CEP350: variants seen among roughly 807,000 people sequenced by gnomAD.
CEP350 encodes centrosomal protein 350.
In CEP350, 126 loss-of-function variants were observed where a neutral mutation model predicts 331.8. The observed-to-expected ratio is 0.38, with a 90% CI of 0.33 to 0.44. CEP350 has a LOEUF of 0.44. Among genes scored for constraint, CEP350 ranks in the 20% least tolerant of loss-of-function variants. CEP350 has a pLI of 1.00. For synonymous variants in CEP350, 1,200 were observed against 1,259.5 expected (o/e 0.95, Z 1.00); for missense variants, 3,406 against 3,634.6 (o/e 0.94, Z 1.62).
In CEP350 at chr1:179,955,087, C is replaced by A. The variant is rs558683389; in HGVS notation, c.-69C>A. Reference sequence around the variant, plus strand: ...GGTCGGGGCGGCGTCACTGCACCCTCCGCCAGGCTCCGCGGGATGCACCGT... The same window carrying A: ...GGTCGGGGCGGCGTCACTGCACCCTACGCCAGGCTCCGCGGGATGCACCGT... On this transcript the variant is annotated 5_prime_UTR_variant, in exon 1 of 38. Transcript: ENST00000367607. 2 of 1,461,248 alleles carry A rather than the reference C, an allele frequency of 1.4e-6. No individual in the cohort carries two copies. Among genetic ancestry groups the A allele is most frequent in the Non-Finnish European group, 1.8e-6 (2 of 1,109,446 alleles). The allele number at this position is 1,461,248 out of a possible 1,614,324, so 90.5% of individuals were successfully genotyped here. A position where few individuals can be genotyped will look rare whatever the true frequency, so the allele number is the denominator to read the frequency against.
At chr1:180,062,442 G>A (rs920300448) in intron 26 of CEP350, 76 bp downstream of exon 26, 51 of 1,429,972 alleles carry the variant, frequency 3.6e-5, no homozygotes, top group Non-Finnish European at 4.6e-5. Flanking sequence ...CATGTTCTAA[G>A]ATAATATTCA....
At chr1:180,054,774 TG>T (rs1490507160) in intron 25 of CEP350, among the ~76,000 whole-genome samples, 2 of 152,228 alleles carry the variant, frequency 1.3e-5, no homozygotes, top group Non-Finnish European at 2.9e-5. Context: ...AATACTCTTT[TG>T]AAATACAAAT....
At chr1:180,003,309 G>A (rs771714827) in intron 7 of CEP350, 22 bp downstream of exon 7, 2 of 1,453,678 alleles carry the variant, frequency 1.4e-6, no homozygotes, top group Non-Finnish European at 1.9e-6. Context: ...GCTTTCTTAT[G>A]TTTTGAGTAT....
intron 25 of CEP350, among the ~76,000 whole-genome samples, chr1:180,057,427 A>C (rs1026910927): frequency 6.6e-6 from 1 of 151,212 alleles, no homozygotes; most frequent in Non-Finnish European, 1.5e-5. Context: ...CTTATTATCC[A>C]TAGTTATTTT....
chr1:180,040,683 A>G (rs1656707981), intron 17 of CEP350, among the ~76,000 whole-genome samples: 1 of 151,754 alleles, frequency 6.6e-6, no homozygotes, highest in Admixed American at 6.6e-5. Context: ...ATTGTGTGGG[A>G]TAGTGGTAAG....
At chr1:180,045,359 G>T (rs1319104182) in intron 21 of CEP350, among the ~76,000 whole-genome samples, 1 of 151,868 alleles carries the variant, frequency 6.6e-6, no homozygotes, top group African/African-American at 2.4e-5. Flanking sequence ...AAAAAAAATT[G>T]AATAGCTGTC....
At chr1:179,983,644 A>G (rs950729031) in intron 1 of CEP350, among the ~76,000 whole-genome samples, 4 of 152,176 alleles carry the variant, frequency 2.6e-5, no homozygotes, top group African/African-American at 9.7e-5. Context: ...CATACCTTTT[A>G]GTTTTACATA....
At position 180,021,029 on chromosome 1, in the gene CEP350, C is replaced by T; in HGVS notation, c.3235+20C>T. On this transcript the variant is annotated intron_variant, in intron 12 of 37. Coordinates refer to ENST00000367607, the MANE Select transcript of CEP350 (RefSeq NM_014810.5). ...GAAAAGGTGAGAAAAATAAATATAG[C>T]TTGTACTGTTTGTATATTAAGATGA... 6.9e-7 allele frequency: 1 copy of T among 1,458,846 alleles called. No homozygotes were observed. Among genetic ancestry groups the T allele is most frequent in the Middle Eastern group, 1.8e-4 (1 of 5,584 alleles). The allele number at this position is 1,458,846 out of a possible 1,614,324, so 90.4% of individuals were successfully genotyped here. A position where few individuals can be genotyped will look rare whatever the true frequency, so the allele number is the denominator to read the frequency against.
intron 21 of CEP350, among the ~76,000 whole-genome samples, chr1:180,048,305 C>T (rs1657263291): frequency 6.6e-6 from 1 of 152,122 alleles, no homozygotes; most frequent in Admixed American, 6.5e-5. Context: ...AACAACACTG[C>T]CTATTATTAT....
At position 180,081,647 on chromosome 1, in the gene CEP350, A is replaced by G. The variant is rs139853478; in HGVS notation, c.6124+986A>G. ...TAGCCTTACTGCACTCTCAGGACAT[A>G]TGGTATAGCCTCTTGCTCCTAGGCT... is the stretch of plus-strand genomic sequence containing the variant. On this transcript the variant is annotated intron_variant, in intron 30 of 37. Coordinates refer to ENST00000367607, the MANE Select transcript of CEP350 (RefSeq NM_014810.5). 5.3e-5 allele frequency among the ~76,000 whole-genome samples: 8 copies of G among 152,346 alleles called. No individual in the cohort carries two copies. The East Asian group carries it at 1.5e-3, about 29-fold the overall frequency.
At chr1:180,026,519 C>T (rs574104341) in intron 14 of CEP350, among the ~76,000 whole-genome samples, 33 of 152,260 alleles carry the variant, frequency 2.2e-4, no homozygotes, top group African/African-American at 7.7e-4. Flanking sequence ...AGTTCAGTGA[C>T]ATTAAGTACA....
chr1:180,080,561 C>T lies in CEP350; in HGVS notation c.6024C>T (p.Ser2008=). The T allele has an allele frequency of 1.2e-6, 2 of 1,613,668 alleles. No homozygotes were observed. Among genetic ancestry groups the T allele is most frequent in the Non-Finnish European group, 8.5e-7 (1 of 1,179,608 alleles). ...SCTSVSKQES[S]KGSHRTGGQC... ...CATCTGTGTCAAAGCAGGAGTCTAG[C>T]AAAGGAAGTCATAGGACTGGAGGAC... The change falls in exon 30 of 38, where the codon AGC becomes AGT. Residue 2008 remains serine, a synonymous_variant. Coordinates refer to ENST00000367607, the MANE Select transcript of CEP350 (RefSeq NM_014810.5).
intron 32 of CEP350, among the ~76,000 whole-genome samples, chr1:180,088,144 C>T (rs966251858): frequency 5.3e-5 from 8 of 152,040 alleles, no homozygotes; most frequent in South Asian, 2.1e-4. Context: ...TAATAACATT[C>T]GTTATATTCT....
At chr1:179,982,137 A>G (rs1366298605) in intron 1 of CEP350, among the ~76,000 whole-genome samples, 2 of 152,236 alleles carry the variant, frequency 1.3e-5, no homozygotes, top group Non-Finnish European at 2.9e-5. Context: ...AACTGAACGT[A>G]CCATTGAAAT....
At position 180,020,304 on chromosome 1, in the gene CEP350, A is replaced by G. The variant is rs754854482; in HGVS notation, c.2530A>G (p.Lys844Glu). 1.9e-6 allele frequency: 3 copies of G among 1,613,916 alleles called. No homozygotes were observed. Among genetic ancestry groups the G allele is most frequent in the Non-Finnish European group, 8.5e-7 (1 of 1,179,912 alleles). ...GTCCAGCAGAATTGAAAGTGAAGCC[A>G]AGAAATTAGCTGGGGCCAGCATTAA... The part of the protein sequence containing the change: ...SLSSRIESEA[K>E]KLAGASINYG... The change falls in exon 12 of 38, where the codon AAG becomes GAG. Residue 844 changes from lysine to glutamate, a missense_variant. Physicochemically the swap from Lys to Glu is moderately conservative, Grantham distance 56. This residue lies in a region of CEP350 where 1,857 missense variants were observed against 1,909.2 expected (regional missense o/e 0.97). Coordinates refer to ENST00000367607, the MANE Select transcript of CEP350 (RefSeq NM_014810.5).
chr1:179,993,002 C>A (rs994747060), intron 5 of CEP350, among the ~76,000 whole-genome samples: 1 of 150,714 alleles, frequency 6.6e-6, no homozygotes, highest in African/African-American at 2.4e-5. Flanking sequence ...TTTTACATAC[C>A]TTGAGAGATG....
At chr1:179,977,903 A>G (rs1048670104) in intron 1 of CEP350, among the ~76,000 whole-genome samples, 4 of 151,292 alleles carry the variant, frequency 2.6e-5, no homozygotes, top group African/African-American at 9.7e-5. Flanking sequence ...TGTTCAATTT[A>G]AATTTTTATG....
At chr1:180,014,672 A>G (rs1443939982) in intron 10 of CEP350, among the ~76,000 whole-genome samples, 167 bp downstream of exon 10, 1 of 152,242 alleles carries the variant, frequency 6.6e-6, no homozygotes, top group Non-Finnish European at 1.5e-5. Context: ...GATAAATGTG[A>G]TGGAAAATAA....
chr1:180,012,880 A>T (rs1654749494), intron 9 of CEP350, among the ~76,000 whole-genome samples: 2 of 152,014 alleles, frequency 1.3e-5, no homozygotes, highest in Non-Finnish European at 1.5e-5. Context: ...TGATAAAATT[A>T]TTTTTTTTCT....
Sources: gnomAD v4.1 joint callset for allele counts (sites outside exome capture counted in the v4.1 genomes callset) on GRCh38, gnomAD v4.1.1 for gene constraint, gnomAD v4.1.1 regional missense constraint, MANE v1.5 for transcripts, NCBI Gene and HGNC (gene_info 2026-07-23, HGNC 2026-07-21) for gene names.